The following AFF3 variants were observed in gnomAD, a reference collection of about 807,000 sequenced individuals.
The protein encoded by AFF3 is AF4/FMR2 family member 3.
AFF3 carries 32 observed loss-of-function variants against 129.7 expected under a neutral mutation model. The ratio of observed to expected loss-of-function variants is 0.25; its 90% confidence interval spans 0.19 to 0.33. AFF3 has a LOEUF of 0.33. Ranked by LOEUF, AFF3 falls within the 10% of genes least tolerant of loss-of-function variation. The probability of loss-of-function intolerance (pLI) is 1.00; values close to 1 mark genes in which losing one functional copy is unlikely to be tolerated. For synonymous variants in AFF3, 644 were observed against 635.4 expected, an observed-to-expected ratio of 1.01 and a Z score of -0.20; for missense variants, 1,373 against 1,592.0, an observed-to-expected ratio of 0.86 and a Z score of 2.34.
Position 99,743,421 on chromosome 2 carries a change from G to A in AFF3, c.1039+683C>T, listed in dbSNP as rs370878477. Among the ~76,000 whole-genome samples the A allele has an allele frequency of 2.2e-4, 34 of 152,302 alleles. 1 individual carries two copies. The East Asian group carries it at 3.5e-3, about 16-fold the overall frequency. ...GGTGCTCTTAGCTTGCTGGCTGGTC[G>A]TGAAACTAACAAAGCCCAGTCTTTG... is the stretch of plus-strand genomic sequence containing the variant. On this transcript the variant is annotated intron_variant, in intron 10 of 24. Transcript: ENST00000672756.
intron 7 of AFF3, among the ~76,000 whole-genome samples, chr2:99,841,155 C>T (rs534794329): frequency 6.6e-6 from 1 of 152,202 alleles, no homozygotes; most frequent in Non-Finnish European, 1.5e-5. Flanking sequence ...CTGAATATCA[C>T]ACTTTAATTT....
chr2:99,636,973 C>G (rs542444683), intron 13 of AFF3, among the ~76,000 whole-genome samples: 1 of 152,190 alleles, frequency 6.6e-6, no homozygotes, highest in East Asian at 1.9e-4. Context: ...CCAGAGTGAG[C>G]AGCTGCAGGG....
intron 7 of AFF3, among the ~76,000 whole-genome samples, chr2:99,895,210 A>T (rs1693852689): frequency 6.6e-6 from 1 of 152,234 alleles, no homozygotes; most frequent in Admixed American, 6.5e-5. Flanking sequence ...TCAAGCTCGA[A>T]GGGCTCACAC....
At chr2:99,607,878 T>C (rs1292219412) in intron 13 of AFF3, among the ~76,000 whole-genome samples, 2 of 152,388 alleles carry the variant, frequency 1.3e-5, no homozygotes, top group African/African-American at 4.8e-5. Context: ...TCACTATTGA[T>C]ATTAATTCAT....
At chr2:100,113,102 G>T (rs1444348116) in intron 2 of AFF3, among the ~76,000 whole-genome samples, 4 of 152,160 alleles carry the variant, frequency 2.6e-5, no homozygotes, top group African/African-American at 9.7e-5. Flanking sequence ...CTCAAGTCAG[G>T]GCTGAAGTCA....
intron 19 of AFF3, among the ~76,000 whole-genome samples, chr2:99,565,955 C>T (rs1021907657): frequency 6.6e-6 from 1 of 152,170 alleles, no homozygotes; most frequent in African/African-American, 2.4e-5. Context: ...CCTTGTTCCT[C>T]CATGCTATGC....
At chr2:100,024,145 T>C (rs1683832545) in intron 4 of AFF3, among the ~76,000 whole-genome samples, 1 of 131,832 alleles carries the variant, frequency 7.6e-6, no homozygotes, top group African/African-American at 3.0e-5. Context: ...GGCAGGAGAA[T>C]GGCGTGAACC....
intron 9 of AFF3, among the ~76,000 whole-genome samples, chr2:99,751,331 G>A (rs764374689): frequency 6.6e-6 from 1 of 152,094 alleles, no homozygotes; most frequent in Non-Finnish European, 1.5e-5. Context: ...GACCTCAACT[G>A]AGCCACCTGC....
chr2:99,943,477 T>C (rs1675259691), intron 7 of AFF3, among the ~76,000 whole-genome samples: 1 of 152,196 alleles, frequency 6.6e-6, no homozygotes, highest in Non-Finnish European at 1.5e-5. Flanking sequence ...ATACATCTGA[T>C]TTTCAATGAA....
At chr2:99,665,668 C>T (rs980202492) in intron 12 of AFF3, among the ~76,000 whole-genome samples, 1 of 152,124 alleles carries the variant, frequency 6.6e-6, no homozygotes, top group African/African-American at 2.4e-5. Flanking sequence ...TAGAAATTGT[C>T]AGTATATAAA....
At chr2:99,843,714 C>T (rs1432734397) in intron 7 of AFF3, among the ~76,000 whole-genome samples, 1 of 152,046 alleles carries the variant, frequency 6.6e-6, no homozygotes, top group African/African-American at 2.4e-5. Flanking sequence ...ATTTTAAAAT[C>T]GTTAATAATT....
chr2:99,685,243 C>A (rs1313667252), intron 11 of AFF3, among the ~76,000 whole-genome samples: 1 of 152,122 alleles, frequency 6.6e-6, no homozygotes, highest in Non-Finnish European at 1.5e-5. Flanking sequence ...CCTGGCCTTT[C>A]TTTTTTAAAA....
chr2:100,015,058 C>T (rs559528816), intron 4 of AFF3, among the ~76,000 whole-genome samples: 1 of 150,616 alleles, frequency 6.6e-6, no homozygotes, highest in Non-Finnish European at 1.5e-5. Context: ...CCTGCCTTGG[C>T]CCCCCAAAGT....
At chr2:99,724,271 C>CTTTTTTTTATTTTT (rs1679166963) in intron 11 of AFF3, among the ~76,000 whole-genome samples, 1 of 66,862 alleles carries the variant, frequency 1.5e-5, no homozygotes, top group South Asian at 7.5e-4. Flanking sequence ...AATGACCTTT[C>CTTTTTTTTATTTTT]TTTTTTTTTT....
At chr2:100,016,796 G>C (rs992182866) in intron 4 of AFF3, among the ~76,000 whole-genome samples, 3 of 151,538 alleles carry the variant, frequency 2.0e-5, no homozygotes, top group Admixed American at 1.3e-4. Context: ...TGGTGGTAAT[G>C]GTGATGGCAG....
intron 22 of AFF3, among the ~76,000 whole-genome samples, chr2:99,557,612 C>G (rs1170013688): frequency 6.6e-6 from 1 of 152,098 alleles, no homozygotes; most frequent in Non-Finnish European, 1.5e-5. Flanking sequence ...ATCTTACGTT[C>G]TGGATTTTTG....
chr2:99,650,796 A>ATGCGTGTGTGTGTG lies in AFF3; in HGVS notation c.1144-1131_1144-1130insCACACACACACGCA, dbSNP rs1553417669. Among the ~76,000 whole-genome samples, 1,145 of 144,822 alleles carry ATGCGTGTGTGTGTG rather than the reference A, an allele frequency of 7.9e-3. 7 individuals are homozygous for ATGCGTGTGTGTGTG. The highest frequency in any genetic ancestry group is 0.015 in the Admixed American group (210 of 14,380). On this transcript the variant is annotated intron_variant, in intron 12 of 24. Coordinates refer to ENST00000672756, the MANE Select transcript of AFF3 (RefSeq NM_001386135.1). ...TTGTTTTTTTCTTCTACTAAAATTA[A>ATGCGTGTGTGTGTG]TGTGTGTGTGTGTGTGTGTGTGTGT... is the stretch of plus-strand genomic sequence containing the variant.
chr2:100,057,826 C>T (rs1238837869), intron 4 of AFF3, among the ~76,000 whole-genome samples: 1 of 152,218 alleles, frequency 6.6e-6, no homozygotes, highest in Non-Finnish European at 1.5e-5. Flanking sequence ...AATTTGTGAG[C>T]TGCTCTGGAA....
chr2:99,697,463 T>C (rs1676402253), intron 11 of AFF3, among the ~76,000 whole-genome samples: 1 of 152,282 alleles, frequency 6.6e-6, no homozygotes, highest in East Asian at 1.9e-4. Flanking sequence ...GAGAAAAAAA[T>C]GCAAGTTTCA....
Sources: allele counts gnomAD v4.1 joint callset (sites outside exome capture counted in the v4.1 genomes callset), GRCh38; gene constraint gnomAD v4.1.1; transcripts MANE v1.5; gene names NCBI Gene and HGNC (gene_info 2026-07-23, HGNC 2026-07-21).